The following MME variants were observed in gnomAD, a reference collection of about 807,000 sequenced individuals.
The protein encoded by MME is neprilysin.
MME carries 98 observed loss-of-function variants against 113.2 expected under a neutral mutation model. The observed-to-expected ratio is 0.87, with a 90% CI of 0.74 to 1.02. The LOEUF is 1.02. MME is among the 50% of genes least tolerant of loss of function. MME has a pLI of 0.00. For synonymous variants in MME, 292 were observed against 300.6 expected (o/e 0.97, Z 0.30); for missense variants, 836 against 896.0 (o/e 0.93, Z 0.86).
chr3:155,138,358 C>A, intron 9 of MME, 122 bp downstream of exon 9: 1 of 969,434 alleles, frequency 1.0e-6, no homozygotes, highest in Non-Finnish European at 1.6e-6. Context: ...AAATGCATGG[C>A]TTGGTAATAG....
chr3:155,080,526 T>C (rs544054425), intron 1 of MME, 60 bp downstream of exon 1: 2 of 152,352 alleles, frequency 1.3e-5, no homozygotes, highest in Admixed American at 1.3e-4. Context: ...TTTCTATTTT[T>C]ACTTTTCTTA....
chr3:155,070,763 AGAC>A lies in MME; in HGVS notation c.-10-13393_-10-13391del, dbSNP rs1272908413. On this transcript the variant is annotated intron_variant, in intron 1 of 22. Coordinates refer to the MME transcript ENST00000492661. ...CTTTCCCACTCAGGAGTTGCTTAGA[AGAC>A]GCATTTCTTCACCTTGCTTGTCCTA... 7.2e-5 allele frequency among the ~76,000 whole-genome samples: 11 copies of A among 152,314 alleles called. No homozygotes were observed. The East Asian group carries it at 1.9e-3, about 27-fold the overall frequency.
At position 155,172,198 on chromosome 3, in the gene MME, T is replaced by C. The variant is rs1379697329; in HGVS notation, c.2062T>C (p.Leu688=). The C allele has an allele frequency of 6.2e-7, 1 of 1,607,320 alleles. No homozygotes were observed. The highest frequency in any genetic ancestry group is 2.2e-5 in the East Asian group (1 of 44,658). ...CCTAAATCACAAACAACTATTTTTC[T>C]TGAACTTTGCACAGGTATTGTGTCT... is the stretch of plus-strand genomic sequence containing the variant. ...LDLNHKQLFF[L]NFAQVWCGTY... The change falls in exon 21 of 23, where the codon TTG becomes CTG. Residue 688 remains leucine, a synonymous_variant. Transcript: ENST00000360490.
At chr3:155,031,848 G>A (rs778575911) in intron 1 of MME, among the ~76,000 whole-genome samples, 3 of 152,128 alleles carry the variant, frequency 2.0e-5, no homozygotes, top group South Asian at 4.1e-4. Flanking sequence ...TAGTAGAGAC[G>A]GGATTTTGCC....
In MME at chr3:155,165,134, G is replaced by C. The variant is rs144333876; in HGVS notation, c.1661-1768G>C. ...GCACTTAATAGGTATTGATACTGAA[G>C]GGTTTTTTTTTAATTACAGAAAGTA... On this transcript the variant is annotated intron_variant, in intron 17 of 22. Transcript: ENST00000360490. 6.1e-4 allele frequency among the ~76,000 whole-genome samples: 93 copies of C among 151,994 alleles called. No individual in the cohort carries two copies. The East Asian group carries it at 0.018, about 29-fold the overall frequency.
At chr3:155,026,739 C>A (rs897657934) in intron 1 of MME, among the ~76,000 whole-genome samples, 1 of 152,190 alleles carries the variant, frequency 6.6e-6, no homozygotes, top group Middle Eastern at 3.4e-3. Flanking sequence ...CCACCTCCCC[C>A]AGAAAAGCAA....
intron 1 of MME, among the ~76,000 whole-genome samples, chr3:155,032,911 C>G (rs1713017482): frequency 6.6e-6 from 1 of 152,162 alleles, no homozygotes; most frequent in South Asian, 2.1e-4. Flanking sequence ...CAACCTCTTT[C>G]TATGTAAGGC....
At chr3:155,118,835 A>T in intron 8 of MME, 24 bp downstream of exon 8, 1 of 1,408,286 alleles carries the variant, frequency 7.1e-7, no homozygotes, top group South Asian at 1.2e-5. Context: ...AAATAATCAA[A>T]ACCAAACTAC....
intron 3 of MME, among the ~76,000 whole-genome samples, chr3:155,098,501 A>G (rs1333290025): frequency 6.6e-6 from 1 of 151,864 alleles, no homozygotes; most frequent in Non-Finnish European, 1.5e-5. Context: ...GGTTGCAATG[A>G]GCCAAGATCG....
upstream of MME, among the ~76,000 whole-genome samples, chr3:155,075,736 T>C (rs992757280): frequency 1.3e-5 from 2 of 152,176 alleles, no homozygotes; most frequent in African/African-American, 2.4e-5. Context: ...TTGCTCAGGC[T>C]GGTCTCAAAC....
chr3:155,092,357 T>A (rs1716367958), intron 3 of MME, among the ~76,000 whole-genome samples: 1 of 152,220 alleles, frequency 6.6e-6, no homozygotes, highest in Non-Finnish European at 1.5e-5. Context: ...GCGGAGAAAC[T>A]GAACCATCAT....
At chr3:155,143,989 A>T (rs1721317233) in intron 13 of MME, among the ~76,000 whole-genome samples, 1 of 152,220 alleles carries the variant, frequency 6.6e-6, no homozygotes, top group South Asian at 2.1e-4. Context: ...AAGACAGTGG[A>T]ACTTAATGGT....
At chr3:155,036,780 T>C in intron 1 of MME, among the ~76,000 whole-genome samples, 1 of 152,126 alleles carries the variant, frequency 6.6e-6, no homozygotes, top group African/African-American at 2.4e-5. Context: ...ATTTCTTCTA[T>C]AGTTTGTGTA....
At chr3:155,176,870 C>A (rs76864740) in intron 22 of MME, among the ~76,000 whole-genome samples, 343 of 152,090 alleles carry the variant, frequency 2.3e-3, no homozygotes, top group Non-Finnish European at 4.3e-3. Context: ...TCATAAACAC[C>A]AAATGTTAAC....
chr3:155,136,202 G>A (rs973038543), intron 8 of MME, among the ~76,000 whole-genome samples: 5 of 152,116 alleles, frequency 3.3e-5, no homozygotes, highest in Non-Finnish European at 7.4e-5. Context: ...GGGGAGAATG[G>A]ACGTCTTTGT....
upstream of MME, among the ~76,000 whole-genome samples, chr3:155,078,367 G>A (rs990890272): frequency 6.6e-6 from 1 of 152,082 alleles, no homozygotes; most frequent in African/African-American, 2.4e-5. Flanking sequence ...GTAAATAGAC[G>A]TCAATAGCAC....
chr3:155,052,469 T>C (rs1002692074), intron 1 of MME, among the ~76,000 whole-genome samples: 1 of 152,222 alleles, frequency 6.6e-6, no homozygotes, highest in South Asian at 2.1e-4. Flanking sequence ...ATCCTTGTCT[T>C]TTGTGCACCT....
chr3:155,060,543 C>G (rs1714097397), intron 1 of MME, among the ~76,000 whole-genome samples: 2 of 151,988 alleles, frequency 1.3e-5, no homozygotes. Context: ...AGCAGAAGTT[C>G]TGAGACCCTG....
At chr3:155,160,313 A>T in intron 16 of MME, 77 bp from the exon 17 acceptor site, 2 of 978,962 alleles carry the variant, frequency 2.0e-6, no homozygotes, top group Non-Finnish European at 3.3e-6. Context: ...AGGAATGGTA[A>T]TAATGCTTTA....
Sources: allele counts gnomAD v4.1 joint callset (sites outside exome capture counted in the v4.1 genomes callset), GRCh38; gene constraint gnomAD v4.1.1; transcripts MANE v1.5; gene names NCBI Gene and HGNC (gene_info 2026-07-23, HGNC 2026-07-21).